ATF2: variants seen among roughly 807,000 people sequenced by gnomAD.
ATF2 encodes activating transcription factor 2.
In ATF2, 24 loss-of-function variants were observed where a neutral mutation model predicts 60.6. That is an observed-to-expected ratio of 0.40 (90% CI 0.29 to 0.56). ATF2 has a LOEUF of 0.56. Ranked by LOEUF, ATF2 falls within the 20% of genes least tolerant of loss-of-function variation. The probability of loss-of-function intolerance (pLI) is 0.54; values close to 1 mark genes in which losing one functional copy is unlikely to be tolerated. For synonymous variants in ATF2, 206 were observed against 215.4 expected (o/e 0.96, Z 0.38); for missense variants, 433 against 607.7 (o/e 0.71, Z 3.02).
At chr2:175,087,358 G>T (rs1365616346) in intron 12 of ATF2, among the ~76,000 whole-genome samples, 1 of 152,114 alleles carries the variant, frequency 6.6e-6, no homozygotes, top group Non-Finnish European at 1.5e-5. Context: ...TATTATTCTG[G>T]TCTAAAATCT....
chr2:175,109,568 C>G (rs907873980), intron 10 of ATF2, among the ~76,000 whole-genome samples: 1 of 152,140 alleles, frequency 6.6e-6, no homozygotes, highest in Non-Finnish European at 1.5e-5. Context: ...ATATGGCCTA[C>G]TCTTGTAAAT....
At chr2:175,158,580 G>A (rs1038251931) in intron 1 of ATF2, among the ~76,000 whole-genome samples, 16 of 151,966 alleles carry the variant, frequency 1.1e-4, no homozygotes, top group African/African-American at 3.9e-4. Context: ...AGAAGCAAAC[G>A]TCTGGGGGGA....
intron 2 of ATF2, among the ~76,000 whole-genome samples, chr2:175,141,071 G>GTA (rs1204725417): frequency 8.5e-6 from 1 of 118,066 alleles, no homozygotes; most frequent in African/African-American, 3.2e-5. Context: ...ATATGTGTGT[G>GTA]TATATATATG....
chr2:175,164,432 G>A (rs1700220853), intron 1 of ATF2, among the ~76,000 whole-genome samples: 1 of 152,108 alleles, frequency 6.6e-6, no homozygotes, highest in African/African-American at 2.4e-5. Flanking sequence ...TATTCGGGAG[G>A]CTCAGACAGG....
At chr2:175,110,005 T>C (rs573169763) in intron 10 of ATF2, among the ~76,000 whole-genome samples, 3 of 152,200 alleles carry the variant, frequency 2.0e-5, no homozygotes, top group Non-Finnish European at 4.4e-5. Context: ...CCTGTGCAAA[T>C]TTCTGACTGA....
chr2:175,075,778 CA>C (rs1298066890), intron 13 of ATF2, among the ~76,000 whole-genome samples: 1 of 152,162 alleles, frequency 6.6e-6, no homozygotes, highest in Non-Finnish European at 1.5e-5. Flanking sequence ...ACCACTCTGA[CA>C]TTTCTTTAAC....
chr2:175,078,993 C>T (rs1693567605), intron 13 of ATF2, among the ~76,000 whole-genome samples: 1 of 152,092 alleles, frequency 6.6e-6, no homozygotes, highest in African/African-American at 2.4e-5. Context: ...TATTTCCAAA[C>T]AACAAACATA....
chr2:175,094,403 G>GGAAAAAAAAAAAAA (rs1694765425), intron 11 of ATF2, among the ~76,000 whole-genome samples: 1 of 61,138 alleles, frequency 1.6e-5, no homozygotes, highest in East Asian at 7.5e-4. Flanking sequence ...CAAAAAATAC[G>GGAAAAAAAAAAAAA]AAAAAAAAAA....
intron 4 of ATF2, among the ~76,000 whole-genome samples, chr2:175,128,295 G>A (rs1298523077): frequency 6.6e-6 from 1 of 152,196 alleles, no homozygotes; most frequent in Non-Finnish European, 1.5e-5. Flanking sequence ...GAGATCAGGA[G>A]TTCAAGACCA....
chr2:175,128,461 T>C (rs892109847), intron 4 of ATF2, among the ~76,000 whole-genome samples: 1 of 151,510 alleles, frequency 6.6e-6, no homozygotes, highest in Non-Finnish European at 1.5e-5. Flanking sequence ...GATTGTGCCA[T>C]TGCACTCCTG....
chr2:175,139,332 ACT>A (rs555166068), intron 2 of ATF2, among the ~76,000 whole-genome samples: 115 of 152,308 alleles, frequency 7.6e-4, no homozygotes, highest in South Asian at 5.2e-3. Flanking sequence ...GGAAATAATA[ACT>A]CTGCATCTTG....
At chr2:175,086,975 A>G (rs555532334) in intron 12 of ATF2, among the ~76,000 whole-genome samples, 1 of 152,284 alleles carries the variant, frequency 6.6e-6, no homozygotes, top group East Asian at 1.9e-4. Context: ...TCAGAATATA[A>G]AAACAGAGGT....
chr2:175,138,319 A>T (rs561781655), intron 2 of ATF2, among the ~76,000 whole-genome samples: 25 of 152,212 alleles, frequency 1.6e-4, no homozygotes, highest in Non-Finnish European at 3.5e-4. Flanking sequence ...ATCAAGATAG[A>T]TACCTGCCTT....
rs13418942 is a variant in ATF2, at chr2:175,130,408, G to T, written c.33-201C>A. Among the ~76,000 whole-genome samples, 269 of 152,064 alleles carry T rather than the reference G, an allele frequency of 1.8e-3. 2 individuals carry two copies. Among genetic ancestry groups the T allele is most frequent in the African/African-American group, 5.8e-3 (240 of 41,520 alleles). On this transcript the variant is annotated intron_variant, in intron 3 of 13. Coordinates refer to ENST00000264110, the MANE Select transcript of ATF2 (RefSeq NM_001880.4). ...GTAACATGCAGATTTTGCACTATAGGAAAAAGGTTAGGAACACTGCTCTGT... is the reference window on the plus strand; with the variant it reads ...GTAACATGCAGATTTTGCACTATAGTAAAAAGGTTAGGAACACTGCTCTGT...
chr2:175,124,899 T>G (rs1697218528), intron 4 of ATF2, among the ~76,000 whole-genome samples: 1 of 151,944 alleles, frequency 6.6e-6, no homozygotes, highest in Non-Finnish European at 1.5e-5. Flanking sequence ...TTTACTAAAT[T>G]CCAAGGAGCA....
In ATF2 at chr2:175,107,829, G is replaced by A. The variant is rs553302317; in HGVS notation, c.828+3739C>T. Among the ~76,000 whole-genome samples the A allele has an allele frequency of 1.3e-3, 195 of 152,250 alleles. 1 individual carries two copies. The highest frequency in any genetic ancestry group is 2.1e-3 in the Non-Finnish European group (142 of 67,998). On this transcript the variant is annotated intron_variant, in intron 10 of 13. Coordinates refer to ENST00000264110, the MANE Select transcript of ATF2 (RefSeq NM_001880.4). Reference sequence around the variant, plus strand: ...AGTGATCTGCCAGCCTCGGCCCCCCGAGGTGCCAGGATTGCAGACGGAGTC... The same window carrying A: ...AGTGATCTGCCAGCCTCGGCCCCCCAAGGTGCCAGGATTGCAGACGGAGTC...
At chr2:175,124,877 C>G (rs1697217592) in intron 4 of ATF2, among the ~76,000 whole-genome samples, 1 of 151,974 alleles carries the variant, frequency 6.6e-6, no homozygotes, top group South Asian at 2.1e-4. Context: ...ACCAAATTAT[C>G]TCAGTGTCTC....
intron 1 of ATF2, among the ~76,000 whole-genome samples, chr2:175,156,380 A>C (rs1383468227): frequency 1.1e-5 from 1 of 86,974 alleles, no homozygotes; most frequent in East Asian, 2.4e-4. Flanking sequence ...CAAAAAACAA[A>C]AAAAAAAAAA....
At chr2:175,162,234 T>C (rs915607396) in intron 1 of ATF2, among the ~76,000 whole-genome samples, 1 of 152,218 alleles carries the variant, frequency 6.6e-6, no homozygotes, top group African/African-American at 2.4e-5. Flanking sequence ...TCACATCACA[T>C]AGATCACTGG....
Sources: gnomAD v4.1 joint callset for allele counts (sites outside exome capture counted in the v4.1 genomes callset) on GRCh38, gnomAD v4.1.1 for gene constraint, MANE v1.5 for transcripts, NCBI Gene and HGNC (gene_info 2026-07-23, HGNC 2026-07-21) for gene names.